The following ANKRD7 variants were observed in gnomAD, a reference collection of about 807,000 sequenced individuals.
ANKRD7 encodes the protein ankyrin repeat domain 7, also known as ankyrin repeat domain-containing protein 7.
In ANKRD7, 30 loss-of-function variants were observed where a neutral mutation model predicts 30.8. That is an observed-to-expected ratio of 0.97 (90% CI 0.73 to 1.32). ANKRD7 has a LOEUF of 1.32. Among genes scored for constraint, ANKRD7 ranks in the 40% most tolerant of loss-of-function variants. The pLI is 0.00. For synonymous variants in ANKRD7, 97 were observed against 106.6 expected (o/e 0.91, Z 0.55); for missense variants, 264 against 295.7 (o/e 0.89, Z 0.79).
At chr7:118,229,375 A>C (rs955513246) in intron 1 of ANKRD7, among the ~76,000 whole-genome samples, 14 of 152,094 alleles carry the variant, frequency 9.2e-5, no homozygotes, top group Middle Eastern at 3.4e-3. Flanking sequence ...TTATCTTTTA[A>C]ATTGTTTGTT....
chr7:118,227,443 A>G (rs1234439699), intron 1 of ANKRD7, among the ~76,000 whole-genome samples: 2 of 152,104 alleles, frequency 1.3e-5, no homozygotes, highest in African/African-American at 2.4e-5. Context: ...GAATCTCTCT[A>G]TTAGTTCTAG....
chr7:118,239,508 T>G (rs1470367643), intron 5 of ANKRD7, among the ~76,000 whole-genome samples: 1 of 152,190 alleles, frequency 6.6e-6, no homozygotes, highest in Non-Finnish European at 1.5e-5. Context: ...CTTAAGGACC[T>G]CAGAGAAAGC....
chr7:118,225,805 G>A (rs1809530423), intron 1 of ANKRD7, among the ~76,000 whole-genome samples: 2 of 152,128 alleles, frequency 1.3e-5, no homozygotes, highest in East Asian at 1.9e-4. Flanking sequence ...TTGGACAGAG[G>A]ATGATTTTTT....
At chr7:118,237,012 T>TA in intron 5 of ANKRD7, 86 bp downstream of exon 5, 1 of 1,417,202 alleles carries the variant, frequency 7.1e-7, no homozygotes, top group Non-Finnish European at 9.7e-7. Flanking sequence ...AAGGCTGGAA[T>TA]AGGCTCAACA....
chr7:118,235,988 A>G, intron 3 of ANKRD7, 53 bp from the exon 4 acceptor site: 2 of 955,564 alleles, frequency 2.1e-6, no homozygotes, highest in Non-Finnish European at 3.2e-6. Context: ...TTAAATCTAA[A>G]GAGCATGAAA....
rs1187115183 is a variant in ANKRD7, at chr7:118,229,561, A to G, written c.179+4552A>G. Among the ~76,000 whole-genome samples the G allele has an allele frequency of 3.3e-5, 5 of 152,128 alleles. No individual in the cohort carries two copies. The East Asian group carries it at 9.6e-4, about 29-fold the overall frequency. On this transcript the variant is annotated intron_variant, in intron 1 of 6. Transcript: ENST00000265224. The stretch of plus-strand genomic sequence containing the variant: ...CATATATACACATATAAATGGGAGA[A>G]CTTAAGGATACTATTCAGCAATAAA...
At chr7:118,239,851 A>G (rs769878439) in intron 5 of ANKRD7, 58 bp from the exon 6 acceptor site, 19 of 1,194,194 alleles carry the variant, frequency 1.6e-5, no homozygotes, top group Admixed American at 7.1e-5. Flanking sequence ...TTTGATACTT[A>G]TATGTTAGGA....
intron 6 of ANKRD7, among the ~76,000 whole-genome samples, chr7:118,240,981 C>T (rs1408019023): frequency 1.3e-5 from 2 of 149,402 alleles, no homozygotes; most frequent in Non-Finnish European, 1.5e-5. Context: ...GGTGAAACCC[C>T]GTCTCTACTA....
intron 6 of ANKRD7, among the ~76,000 whole-genome samples, chr7:118,241,521 CTTTTTTTTTTTTTT>C (rs3061682): frequency 7.1e-5 from 6 of 84,542 alleles, no homozygotes; most frequent in Non-Finnish European, 9.2e-5. Flanking sequence ...TCTGAATTAC[CTTTTTTTTTTTTTT>C]TTTTTTTTTT....
At position 118,227,987 on chromosome 7, in the gene ANKRD7, A is replaced by G. The variant is rs773860762; in HGVS notation, c.179+2978A>G. On this transcript the variant is annotated intron_variant, in intron 1 of 6. Transcript: ENST00000265224. ...CTACACCACTCCGCTGAATGACTTTATAAGGTAATCGATAACTTCAATGTG... is the reference window on the plus strand; with the variant it reads ...CTACACCACTCCGCTGAATGACTTTGTAAGGTAATCGATAACTTCAATGTG... 4 of 1,318,030 alleles carry G rather than the reference A, an allele frequency of 3.0e-6. No homozygotes were observed. In the South Asian group the frequency reaches 3.6e-5, roughly 12 times the overall value. The allele number at this position is 1,318,030 out of a possible 1,614,324, so 81.6% of individuals were successfully genotyped here.
chr7:118,235,350 C>T (rs943596205), intron 3 of ANKRD7, among the ~76,000 whole-genome samples: 1 of 152,016 alleles, frequency 6.6e-6, no homozygotes, highest in East Asian at 1.9e-4. Context: ...TGGTGGCTCA[C>T]GCCTGTAATC....
intron 3 of ANKRD7, among the ~76,000 whole-genome samples, chr7:118,235,266 A>T (rs1809708109): frequency 6.6e-6 from 1 of 152,144 alleles, no homozygotes; most frequent in African/African-American, 2.4e-5. Context: ...ACAATATTAA[A>T]ATTAATCTAA....
chr7:118,229,589 C>G (rs1341949150), intron 1 of ANKRD7, among the ~76,000 whole-genome samples: 5 of 151,936 alleles, frequency 3.3e-5, no homozygotes. Context: ...GCAATAAATG[C>G]AATGAATTAT....
chr7:118,230,618 A>G (rs564998811), intron 1 of ANKRD7, among the ~76,000 whole-genome samples: 10 of 151,536 alleles, frequency 6.6e-5, no homozygotes, highest in Non-Finnish European at 1.2e-4. Context: ...CTCAAATTGT[A>G]TATTTCTGTT....
At chr7:118,232,680 T>C (rs1809662090) in intron 1 of ANKRD7, among the ~76,000 whole-genome samples, 1 of 151,678 alleles carries the variant, frequency 6.6e-6, no homozygotes, top group African/African-American at 2.4e-5. Context: ...GGAGGACCTA[T>C]TGGGAATCCA....
In ANKRD7 at chr7:118,236,231, T is replaced by TGTGTGTGTGA. The variant is rs1809727788; in HGVS notation, c.575+92_575+93insGAGTGTGTGT. On this transcript the variant is annotated intron_variant, in intron 4 of 6. Coordinates refer to ENST00000265224, the MANE Select transcript of ANKRD7 (RefSeq NM_019644.4). ...GCGTATGTGTGTGTGTGTGTGTGTG[T>TGTGTGTGTGA]GTGTGTGTCCACAAAACACAATATA... is the stretch of plus-strand genomic sequence containing the variant. 5 of 771,576 alleles carry TGTGTGTGTGA rather than the reference T, an allele frequency of 6.5e-6. No homozygotes were observed. The South Asian group carries it at 9.6e-5, about 15-fold the overall frequency. 47.8% of individuals were successfully genotyped at this position (771,576 alleles called of 1,614,324 possible).
chr7:118,240,524 G>A (rs1562874760), intron 6 of ANKRD7, among the ~76,000 whole-genome samples: 1 of 152,094 alleles, frequency 6.6e-6, no homozygotes, highest in Non-Finnish European at 1.5e-5. Flanking sequence ...AGTATTCCAT[G>A]GTGAATATTT....
rs1409348901 is a variant in ANKRD7, at chr7:118,239,960, A to G, written c.764A>G (p.Ter255TrpextTer9). The change falls in exon 6 of 7, where the codon TAG (stop) becomes TGG (tryptophan). Residue 255 changes from the stop codon to tryptophan (W), a stop_lost. Transcript: ENST00000265224. Reference sequence around the variant, plus strand: ...CATGGAAAGAAGAAACATGCTAAATAGACACCTTATTCTTGGCACTACATG... The same window carrying G: ...CATGGAAAGAAGAAACATGCTAAATGGACACCTTATTCTTGGCACTACATG... Reference protein sequence around the residue: ...ASHGKKKHAK* With the variant: ...ASHGKKKHAKW 6.3e-7 allele frequency: 1 copy of G among 1,592,948 alleles called. No homozygotes were observed. Among genetic ancestry groups the G allele is most frequent in the African/African-American group, 1.3e-5 (1 of 74,592 alleles).
At chr7:118,232,075 T>C (rs1430049996) in intron 1 of ANKRD7, among the ~76,000 whole-genome samples, 3 of 152,148 alleles carry the variant, frequency 2.0e-5, no homozygotes, top group African/African-American at 7.2e-5. Flanking sequence ...TTTCAAAAAA[T>C]AGAATGGCCT....
Sources: gnomAD v4.1 joint callset for allele counts (sites outside exome capture counted in the v4.1 genomes callset) on GRCh38, gnomAD v4.1.1 for gene constraint, MANE v1.5 for transcripts, NCBI Gene and HGNC (gene_info 2026-07-23, HGNC 2026-07-21) for gene names.